The following DBN1 variants were observed in gnomAD, a reference collection of about 807,000 sequenced individuals.
DBN1 encodes the protein drebrin 1, also known as drebrin.
A neutral mutation model predicts 83.5 loss-of-function variants in DBN1; 21 were observed. That is an observed-to-expected ratio of 0.25 (90% CI 0.18 to 0.36). DBN1 has a LOEUF of 0.36. Ranked by LOEUF, DBN1 falls within the 10% of genes least tolerant of loss-of-function variation. The probability of loss-of-function intolerance (pLI) is 1.00; values close to 1 mark genes in which losing one functional copy is unlikely to be tolerated. For missense variants in DBN1, 874 were observed against 935.7 expected (o/e 0.93, Z 0.86); for synonymous variants, 381 against 384.9 (o/e 0.99, Z 0.12).
intron 8 of DBN1, chr5:177,462,124 G>C (rs1012481244): frequency 2.9e-6 from 2 of 697,926 alleles, no homozygotes; most frequent in African/African-American, 2.0e-5. Context: ...ACGTTGTTTT[G>C]GGTGGGCAGC....
chr5:177,458,153 T>A lies in DBN1; in HGVS notation c.1819A>T (p.Thr607Ser), dbSNP rs145469297. Residue 607 changes from threonine (T) to serine (S), a missense_variant, in exon 13 of 15, where the codon ACT (threonine) becomes TCT (serine). Physicochemically the swap from Thr to Ser is moderately conservative, Grantham distance 58. Coordinates refer to ENST00000393565, the MANE Select transcript of DBN1 (RefSeq NM_001363541.2). ...AGCTCCTCAAGGGCTGAGGGCAGAG[T>A]TGGGGTCTGGGGGGCAGCCAGGGAC... is the stretch of plus-strand genomic sequence containing the variant. ...GESLAAPQTPTLPSALEELEQ... is the reference protein window; with the variant it reads ...GESLAAPQTPSLPSALEELEQ... The A allele has an allele frequency of 2.7e-5, 44 of 1,612,704 alleles. 1 individual carries two copies. The Admixed American group carries it at 6.2e-4, about 23-fold the overall frequency.
chr5:177,465,046 T>G (rs1054030254), intron 8 of DBN1, among the ~76,000 whole-genome samples: 208 of 151,618 alleles, frequency 1.4e-3, no homozygotes, highest in Non-Finnish European at 2.1e-3. Flanking sequence ...CCCAGCTACT[T>G]GGAGGCTGAG....
At chr5:177,464,603 C>CAATAAATAAATAAATA (rs58012739) in intron 8 of DBN1, among the ~76,000 whole-genome samples, 15 of 138,334 alleles carry the variant, frequency 1.1e-4, no homozygotes, top group East Asian at 2.1e-4. Flanking sequence ...ACTAAAAAGA[C>CAATAAATAAATAAATA]AATAAATAAA....
intron 1 of DBN1, among the ~76,000 whole-genome samples, chr5:177,469,735 C>G (rs1473768453): frequency 6.6e-6 from 1 of 152,220 alleles, no homozygotes; most frequent in Non-Finnish European, 1.5e-5. Flanking sequence ...ACAGAGCAAC[C>G]ATTGCACAGA....
rs755406592 is a variant in DBN1, at chr5:177,466,950, C to T, written c.668G>A (p.Arg223Gln). 6.3e-5 allele frequency: 101 copies of T among 1,612,590 alleles called. No individual in the cohort carries two copies. Among genetic ancestry groups the T allele is most frequent in the South Asian group, 1.2e-4 (11 of 91,088 alleles). The stretch of plus-strand genomic sequence containing the variant: ...CTGCTGCTCCCGCTCCCGGTAGCGC[C>T]GCTCGCGCTCCTCTTGCTCCTGCCG... ...QERQEQEERE[R>Q]RYREREQQIE... The change falls in exon 7 of 15, where the codon CGG becomes CAG. Residue 223 changes from arginine to glutamine, a missense_variant. Physicochemically the swap from Arg to Gln is conservative, Grantham distance 43. Transcript: ENST00000393565. This position sits in a 1 kb window ranked among gnomAD's most constrained non-coding sequence, Gnocchi z 4.8.
intron 8 of DBN1, 69 bp from the exon 9 acceptor site, chr5:177,460,772 G>A (rs1015215542): frequency 4.0e-6 from 6 of 1,483,102 alleles, no homozygotes; most frequent in Non-Finnish European, 4.6e-6. Context: ...CTTTTTTACT[G>A]TATTTTATTT....
intron 2 of DBN1, chr5:177,468,564 T>C: frequency 2.3e-6 from 1 of 443,814 alleles, no homozygotes; most frequent in Non-Finnish European, 4.0e-6. Flanking sequence ...AGGCGGTGAA[T>C]AGGGCCCTTC....
Position 177,458,727 on chromosome 5 carries a change from G to A in DBN1, c.1265-20C>T. 2 of 1,495,058 alleles carry A rather than the reference G, an allele frequency of 1.3e-6. No homozygotes were observed. Among genetic ancestry groups the A allele is most frequent in the South Asian group, 1.4e-5 (1 of 73,646 alleles). 92.6% of individuals were successfully genotyped at this position (1,495,058 alleles called of 1,614,324 possible). On this transcript the variant is annotated intron_variant, in intron 12 of 14. Coordinates refer to ENST00000393565, the MANE Select transcript of DBN1 (RefSeq NM_001363541.2). ...GGGTCTCTGTCACAGCACAGGCAGAGGAGATATGTAACCGGCTCCCCTCGG... is the reference window on the plus strand; with the variant it reads ...GGGTCTCTGTCACAGCACAGGCAGAAGAGATATGTAACCGGCTCCCCTCGG...
intron 1 of DBN1, among the ~76,000 whole-genome samples, chr5:177,469,157 G>A (rs1225813554): frequency 4.6e-5 from 7 of 152,162 alleles, no homozygotes; most frequent in Admixed American, 6.5e-5. Context: ...GCAGCATCCC[G>A]GCCCTGGCCC....
At chr5:177,473,287 A>C in intron 1 of DBN1, 149 bp downstream of exon 1, 1 of 383,174 alleles carries the variant, frequency 2.6e-6, no homozygotes, top group African/African-American at 2.1e-5. Flanking sequence ...CGGCGCGCAC[A>C]AAGGCAGCCC....
chr5:177,472,606 G>A (rs1018535848), intron 1 of DBN1, among the ~76,000 whole-genome samples: 3 of 152,066 alleles, frequency 2.0e-5, no homozygotes, highest in African/African-American at 7.2e-5. Flanking sequence ...CCCTTGCTGG[G>A]GGCCGGTGGA....
intron 11 of DBN1, 49 bp downstream of exon 11, chr5:177,459,554 A>G: frequency 6.9e-7 from 1 of 1,450,882 alleles, no homozygotes; most frequent in Non-Finnish European, 9.1e-7. Context: ...GCTGCTGGGA[A>G]GCGGGGCCCT....
At chr5:177,460,257 G>A (rs974007857) in intron 10 of DBN1, among the ~76,000 whole-genome samples, 175 bp downstream of exon 10, 8 of 152,338 alleles carry the variant, frequency 5.3e-5, no homozygotes, top group Admixed American at 5.2e-4. Flanking sequence ...CACCATCCCT[G>A]GCCCTTCTTG....
At position 177,464,897 on chromosome 5, in the gene DBN1, G is replaced by A. The variant is rs1437968704; in HGVS notation, c.771+1875C>T. ...AGGCCGGGTGCAGTGGCTCACGCCTGTAATCCCAGCACTTTGGGTGGCTGA... is the reference window on the plus strand; with the variant it reads ...AGGCCGGGTGCAGTGGCTCACGCCTATAATCCCAGCACTTTGGGTGGCTGA... On this transcript the variant is annotated intron_variant, in intron 8 of 14. Transcript: ENST00000393565. Among the ~76,000 whole-genome samples the A allele has an allele frequency of 5.3e-5, 8 of 152,102 alleles. No homozygotes were observed. In the South Asian group the frequency reaches 6.2e-4, roughly 12 times the overall value.
intron 8 of DBN1, chr5:177,462,506 C>A (rs900024881): frequency 5.7e-6 from 4 of 705,334 alleles, no homozygotes; most frequent in Non-Finnish European, 7.0e-6. Flanking sequence ...ATCCTAAGTT[C>A]CTGTTTCCGG....
At chr5:177,465,463 G>A (rs1017589459) in intron 8 of DBN1, among the ~76,000 whole-genome samples, 1 of 152,234 alleles carries the variant, frequency 6.6e-6, no homozygotes, top group African/African-American at 2.4e-5. Context: ...AATGGATGGT[G>A]GTGGTGGTTA....
intron 1 of DBN1, chr5:177,472,716 GC>G (rs1164591562): frequency 8.0e-6 from 7 of 877,420 alleles, no homozygotes; most frequent in Non-Finnish European, 9.7e-6. Context: ...GCAGCTCGGT[GC>G]CCCCCAGCCC....
intron 1 of DBN1, chr5:177,471,977 T>A: frequency 3.4e-6 from 3 of 893,828 alleles, no homozygotes; most frequent in Non-Finnish European, 3.2e-6. Flanking sequence ...CGGGGCCTTA[T>A]CCCAAAGCCA....
chr5:177,460,347 GGCCTCCCTTCTGAGA>G, intron 10 of DBN1, 70 bp downstream of exon 10: 1 of 1,591,810 alleles, frequency 6.3e-7, no homozygotes, highest in East Asian at 2.2e-5. Context: ...GCTTGGGCAA[GGCCTCCCTTCTGAGA>G]GAGTCCCAGA....
Sources: gnomAD v4.1 joint callset for allele counts (sites outside exome capture counted in the v4.1 genomes callset) on GRCh38, gnomAD v4.1.1 for gene constraint, Gnocchi (gnomAD v3.1) non-coding constraint, MANE v1.5 for transcripts, NCBI Gene and HGNC (gene_info 2026-07-23, HGNC 2026-07-21) for gene names.